Variants in FAM186A observed in about 807,000 individuals in gnomAD.
The protein encoded by FAM186A is protein FAM186A.
Under a neutral mutation model 216.8 loss-of-function variants are expected in FAM186A, and 163 were observed. The ratio of observed to expected loss-of-function variants is 0.75; its 90% confidence interval spans 0.66 to 0.86. The LOEUF (loss-of-function observed/expected upper bound fraction) is 0.86. Among genes scored for constraint, FAM186A ranks in the 40% least tolerant of loss-of-function variants. The probability of loss-of-function intolerance (pLI) is 0.00; values close to 1 mark genes in which losing one functional copy is unlikely to be tolerated. For missense variants in FAM186A, 2,184 were observed against 2,746.2 expected (o/e 0.80, Z 4.58); for synonymous variants, 805 against 1,025.3 (o/e 0.79, Z 4.10).
At chr12:50,348,848 G>A (rs1047125363) in intron 4 of FAM186A, among the ~76,000 whole-genome samples, 22 of 152,066 alleles carry the variant, frequency 1.4e-4, no homozygotes, top group African/African-American at 5.1e-4. Context: ...GAGCAACCAC[G>A]CGTGGCCATT....
intron 1 of FAM186A, chr12:50,365,837 TA>T: frequency 1.3e-6 from 1 of 761,590 alleles, no homozygotes. Context: ...GAGGACACCA[TA>T]AAGGTCAGCA....
At chr12:50,377,338 T>C (rs1347638097) in intron 1 of FAM186A, among the ~76,000 whole-genome samples, 1 of 128,118 alleles carries the variant, frequency 7.8e-6, no homozygotes, top group African/African-American at 2.5e-5. Flanking sequence ...GTTCAAATAA[T>C]TGAATATCCA....
chr12:50,333,585 G>T (rs996132238), intron 5 of FAM186A, among the ~76,000 whole-genome samples: 1 of 152,058 alleles, frequency 6.6e-6, no homozygotes, highest in Non-Finnish European at 1.5e-5. Flanking sequence ...TGGAGGCGGA[G>T]ATTGGAATTA....
At chr12:50,337,045 T>G (rs950967586) in intron 4 of FAM186A, among the ~76,000 whole-genome samples, 5 of 151,672 alleles carry the variant, frequency 3.3e-5, no homozygotes, top group Admixed American at 6.6e-5. Context: ...TAGAACCTAC[T>G]ATATATATGG....
chr12:50,365,897 T>A, intron 1 of FAM186A: 1 of 763,000 alleles, frequency 1.3e-6, no homozygotes, highest in Non-Finnish European at 2.4e-6. Flanking sequence ...TTATCTACAT[T>A]GAACGGGTGC....
At chr12:50,388,815 G>T (rs1187484135) in intron 1 of FAM186A, among the ~76,000 whole-genome samples, 1 of 152,124 alleles carries the variant, frequency 6.6e-6, no homozygotes, top group Non-Finnish European at 1.5e-5. Context: ...CACTTTGGGA[G>T]GTCGAAGCGA....
At chr12:50,340,660 G>T (rs577176676) in intron 4 of FAM186A, among the ~76,000 whole-genome samples, 3 of 151,028 alleles carry the variant, frequency 2.0e-5, no homozygotes, top group African/African-American at 7.3e-5. Flanking sequence ...GGTTGATAGA[G>T]CAAGACCCTG....
intron 3 of FAM186A, among the ~76,000 whole-genome samples, chr12:50,357,268 G>A (rs1162615712): frequency 2.0e-5 from 3 of 151,886 alleles, no homozygotes; most frequent in Non-Finnish European, 4.4e-5. Flanking sequence ...CAGCACTTTG[G>A]GAAGCTGAGG....
chr12:50,334,108 A>G lies in FAM186A; in HGVS notation c.6504-5T>C, dbSNP rs935344899. 6.5e-6 allele frequency: 10 copies of G among 1,527,310 alleles called. No homozygotes were observed. Among genetic ancestry groups the G allele is most frequent in the Non-Finnish European group, 8.8e-6 (10 of 1,138,588 alleles). 94.6% of individuals were successfully genotyped at this position (1,527,310 alleles called of 1,614,324 possible). ...AGTCGTTTCATTATGTTGTTCCTTG[A>G]AAAGATTAATAAAAATTAGAGCGAT... On this transcript the variant is annotated splice_polypyrimidine_tract_variant and splice_region_variant and intron_variant, in intron 4 of 7. Transcript: ENST00000327337.
chr12:50,328,022 C>T (rs1942622196), intron 7 of FAM186A, among the ~76,000 whole-genome samples: 2 of 152,000 alleles, frequency 1.3e-5, no homozygotes. Context: ...ATAGACCTGT[C>T]TGTATTTTTT....
intron 4 of FAM186A, among the ~76,000 whole-genome samples, chr12:50,342,087 A>C (rs540725269): frequency 6.6e-6 from 1 of 152,236 alleles, no homozygotes; most frequent in African/African-American, 2.4e-5. Flanking sequence ...AATATGAATG[A>C]GAAAAATCCT....
chr12:50,360,971 A>G, intron 2 of FAM186A, 45 bp from the exon 3 acceptor site: 1 of 1,427,948 alleles, frequency 7.0e-7, no homozygotes, highest in Non-Finnish European at 9.5e-7. Flanking sequence ...AGAAAAATAA[A>G]TAACTATAGC....
Position 50,337,889 on chromosome 12 carries a change from C to T in FAM186A, c.6504-3786G>A, listed in dbSNP as rs12578721. Among the ~76,000 whole-genome samples the T allele has an allele frequency of 4.0e-4, 55 of 137,042 alleles. No individual in the cohort carries two copies. The East Asian group carries it at 9.1e-3, about 23-fold the overall frequency. 89.9% of individuals were successfully genotyped at this position (137,042 alleles called of 152,430 possible). On this transcript the variant is annotated intron_variant, in intron 4 of 7. Coordinates refer to ENST00000327337, the MANE Select transcript of FAM186A (RefSeq NM_001145475.3). ...CCAGCCTGGCGACAGAGCAAGACTTCGTCTAAAAACAAACAAACAAACAAA... is the reference window on the plus strand; with the variant it reads ...CCAGCCTGGCGACAGAGCAAGACTTTGTCTAAAAACAAACAAACAAACAAA...
At chr12:50,339,717 C>G (rs1419078237) in intron 4 of FAM186A, among the ~76,000 whole-genome samples, 1 of 148,232 alleles carries the variant, frequency 6.7e-6, no homozygotes, top group East Asian at 2.0e-4. Flanking sequence ...TCTTTGTGTT[C>G]TAAGTATTAG....
intron 4 of FAM186A, among the ~76,000 whole-genome samples, chr12:50,335,998 G>A (rs1469066690): frequency 2.6e-5 from 4 of 151,566 alleles, no homozygotes; most frequent in Admixed American, 6.6e-5. Context: ...GATGGCGGGC[G>A]CCTATAGTCC....
intron 4 of FAM186A, among the ~76,000 whole-genome samples, chr12:50,350,099 C>T (rs527738012): frequency 3.3e-4 from 50 of 152,234 alleles, no homozygotes; most frequent in African/African-American, 1.2e-3. Flanking sequence ...TTGGCATCTC[C>T]GCTGGAGATA....
chr12:50,386,405 G>T (rs897187316), intron 1 of FAM186A, among the ~76,000 whole-genome samples: 5 of 152,132 alleles, frequency 3.3e-5, no homozygotes, highest in African/African-American at 1.2e-4. Context: ...CTGAGAGACA[G>T]AGTGAGATCC....
At chr12:50,385,656 T>C (rs1943296024) in intron 1 of FAM186A, among the ~76,000 whole-genome samples, 1 of 151,536 alleles carries the variant, frequency 6.6e-6, no homozygotes, top group African/African-American at 2.4e-5. Context: ...ACCCCAGCAC[T>C]TTGGGAGGCC....
intron 1 of FAM186A, among the ~76,000 whole-genome samples, chr12:50,381,972 C>T (rs1257966109): frequency 2.0e-5 from 3 of 151,346 alleles, no homozygotes; most frequent in Admixed American, 2.0e-4. Context: ...CAAAGGGCAC[C>T]AAATATGAGG....
Sources: gnomAD v4.1 joint callset for allele counts (sites outside exome capture counted in the v4.1 genomes callset) on GRCh38, gnomAD v4.1.1 for gene constraint, MANE v1.5 for transcripts, NCBI Gene and HGNC (gene_info 2026-07-23, HGNC 2026-07-21) for gene names.